Variants in SAXO1 observed in about 807,000 individuals in gnomAD.
SAXO1 encodes the protein stabilizer of axonemal microtubules 1.
SAXO1 carries 21 observed loss-of-function variants against 17.5 expected under a neutral mutation model. The observed-to-expected ratio is 1.20, with a 90% CI of 0.85 to 1.72. SAXO1 has a LOEUF of 1.72. SAXO1 is among the 40% of genes most tolerant of loss of function. SAXO1 has a pLI of 0.00. For missense variants in SAXO1, 843 were observed against 596.0 expected (o/e 1.41, Z -4.32); for synonymous variants, 274 against 216.5 (o/e 1.27, Z -2.33).
At chr9:19,015,670 A>C (rs1410604360) in intron 1 of SAXO1, among the ~76,000 whole-genome samples, 1 of 143,926 alleles carries the variant, frequency 6.9e-6, no homozygotes, top group East Asian at 2.1e-4. Context: ...TAAGAGACTG[A>C]GTATCACTAT....
intron 1 of SAXO1, among the ~76,000 whole-genome samples, chr9:18,972,265 A>G (rs2097378479): frequency 6.6e-6 from 1 of 152,254 alleles, no homozygotes; most frequent in Admixed American, 6.5e-5. Context: ...TCACAAAAAT[A>G]AAATTCTCAG....
intron 1 of SAXO1, among the ~76,000 whole-genome samples, chr9:19,021,819 C>T (rs920043878): frequency 6.7e-6 from 1 of 149,314 alleles, no homozygotes; most frequent in South Asian, 2.1e-4. Flanking sequence ...ATTGTAAACG[C>T]ACCAATCAGC....
chr9:18,950,012 A>G (rs77827187), intron 2 of SAXO1, among the ~76,000 whole-genome samples: 2,555 of 151,996 alleles, frequency 0.017, 76 homozygotes, highest in African/African-American at 0.059. Flanking sequence ...AGATGTTTCC[A>G]CTCTACTAGA....
chr9:19,008,590 C>T (rs1178318633), intron 1 of SAXO1, among the ~76,000 whole-genome samples: 1 of 152,134 alleles, frequency 6.6e-6, no homozygotes, highest in African/African-American at 2.4e-5. Context: ...ATGCTAGATA[C>T]CTACCCGAAT....
intron 1 of SAXO1, chr9:19,027,838 G>A: frequency 7.1e-7 from 1 of 1,416,960 alleles, no homozygotes; most frequent in Non-Finnish European, 9.8e-7. Flanking sequence ...CAAACCGGGT[G>A]GACATCCTGG....
chr9:18,994,450 T>C (rs1452347498), intron 1 of SAXO1, among the ~76,000 whole-genome samples: 1 of 152,230 alleles, frequency 6.6e-6, no homozygotes, highest in Non-Finnish European at 1.5e-5. Context: ...TTATTTATAC[T>C]ACGTGCTCAC....
chr9:19,017,562 T>C (rs942957072), intron 1 of SAXO1, among the ~76,000 whole-genome samples: 1 of 152,230 alleles, frequency 6.6e-6, no homozygotes, highest in African/African-American at 2.4e-5. Flanking sequence ...ATTTGGGCTG[T>C]GGCTCTGGCC....
chr9:18,980,579 G>C lies in SAXO1; in HGVS notation c.39-29642C>G, dbSNP rs531647855. The stretch of plus-strand genomic sequence containing the variant: ...AGGAAGAAGAGGAGGAGGAGGAGGA[G>C]GAGGAGGGTGTGCACCAGGCTGGGG... On this transcript the variant is annotated intron_variant, in intron 1 of 3. Transcript: ENST00000380534. Among the ~76,000 whole-genome samples the C allele has an allele frequency of 6.0e-5, 9 of 150,762 alleles. No homozygotes were observed. In the South Asian group the frequency reaches 1.9e-3, roughly 32 times the overall value.
In SAXO1 at chr9:19,013,470, A is replaced by G. The variant is rs150229134; in HGVS notation, c.38+19401T>C. 2.7e-3 allele frequency among the ~76,000 whole-genome samples: 415 copies of G among 151,236 alleles called. 7 individuals are homozygous for G. In the South Asian group the frequency reaches 0.036, roughly 13 times the overall value. ...TCCTGTCTCAGGGCAAGAGCTGACC[A>G]TTACCATTTAGGAATGCAGTCACAA... On this transcript the variant is annotated intron_variant, in intron 1 of 3. Transcript: ENST00000380534.
chr9:18,976,341 T>C (rs527914890), intron 1 of SAXO1, among the ~76,000 whole-genome samples: 98 of 152,200 alleles, frequency 6.4e-4, no homozygotes, highest in African/African-American at 2.2e-3. Flanking sequence ...CAGAAGAAAA[T>C]AGCAGAAAGA....
At chr9:18,994,994 G>A (rs1269547821) in intron 1 of SAXO1, among the ~76,000 whole-genome samples, 1 of 152,308 alleles carries the variant, frequency 6.6e-6, no homozygotes, top group Non-Finnish European at 1.5e-5. Context: ...CAAGGTTGTG[G>A]TTCCATTAGA....
chr9:18,997,929 A>T (rs994392729), intron 1 of SAXO1, among the ~76,000 whole-genome samples: 9 of 152,284 alleles, frequency 5.9e-5, no homozygotes, highest in African/African-American at 2.2e-4. Context: ...AACATCAACA[A>T]AAAGGACATC....
chr9:19,033,018 G>T lies in SAXO1; in HGVS notation c.-110C>A. On this transcript the variant is annotated 5_prime_UTR_variant, in exon 1 of 4. In the 5' UTR this introduces an upstream ATG that the reference lacks. Transcript: ENST00000380534. ...ACGCCCAGGCTCGAGGGTCTTGGCA[G>T]GTGTTCTGTTTACTCGAAGGAAAAT... 8.6e-7 allele frequency: 1 copy of T among 1,161,894 alleles called. No homozygotes were observed. Among genetic ancestry groups the T allele is most frequent in the Non-Finnish European group, 1.2e-6 (1 of 854,190 alleles). 72.0% of individuals were successfully genotyped at this position (1,161,894 alleles called of 1,614,324 possible).
At chr9:18,964,422 G>T (rs1251856961) in intron 1 of SAXO1, among the ~76,000 whole-genome samples, 3 of 152,088 alleles carry the variant, frequency 2.0e-5, no homozygotes, top group African/African-American at 7.2e-5. Context: ...TTGGTTGGTG[G>T]ACTATTAATT....
intron 1 of SAXO1, among the ~76,000 whole-genome samples, chr9:19,023,328 A>G (rs189439561): frequency 6.6e-6 from 1 of 152,168 alleles, no homozygotes; most frequent in East Asian, 1.9e-4. Context: ...CCTAGAACAG[A>G]CCTTTATGCT....
chr9:19,027,623 G>A lies in SAXO1; in HGVS notation c.38+5248C>T. 6 of 1,436,128 alleles carry A rather than the reference G, an allele frequency of 4.2e-6. 1 individual carries two copies. In the South Asian group the frequency reaches 6.9e-5, roughly 16 times the overall value. 89.0% of individuals were successfully genotyped at this position (1,436,128 alleles called of 1,614,324 possible). ...GCTGGTGCAGATGTTCACTGGAGAT[G>A]GTGCCAAGCTAGTCCGGGATGCCTT... On this transcript the variant is annotated intron_variant, in intron 1 of 3. Coordinates refer to ENST00000380534, the MANE Select transcript of SAXO1 (RefSeq NM_153707.4).
intron 1 of SAXO1, among the ~76,000 whole-genome samples, chr9:19,019,061 A>G (rs2131011961): frequency 6.6e-6 from 1 of 152,192 alleles, no homozygotes; most frequent in East Asian, 1.9e-4. Flanking sequence ...GTGAGCCGAG[A>G]TCATGCCATT....
At chr9:18,989,050 C>CA (rs201756415) in intron 1 of SAXO1, among the ~76,000 whole-genome samples, 40 of 151,132 alleles carry the variant, frequency 2.6e-4, no homozygotes, top group African/African-American at 9.2e-4. Flanking sequence ...TTAAAGGGAC[C>CA]AAAAAAAACA....
chr9:18,959,691 C>T (rs983173391), intron 1 of SAXO1, among the ~76,000 whole-genome samples: 3 of 151,590 alleles, frequency 2.0e-5, no homozygotes, highest in Non-Finnish European at 4.4e-5. Flanking sequence ...GAATCACTTG[C>T]ACCAGGGAGG....
Sources: gnomAD v4.1 joint callset for allele counts (sites outside exome capture counted in the v4.1 genomes callset) on GRCh38, gnomAD v4.1.1 for gene constraint, MANE v1.5 for transcripts, NCBI Gene and HGNC (gene_info 2026-07-23, HGNC 2026-07-21) for gene names.